ARPIN: variants seen among roughly 807,000 people sequenced by gnomAD.
ARPIN encodes the protein actin related protein 2/3 complex inhibitor.
Under a neutral mutation model 25.9 loss-of-function variants are expected in ARPIN, and 23 were observed. The observed-to-expected ratio is 0.89, with a 90% confidence interval of 0.64 to 1.26. The LOEUF (loss-of-function observed/expected upper bound fraction) is 1.26. Among genes scored for constraint, ARPIN ranks in the 50% most tolerant of loss-of-function variants. The pLI is 0.00. For missense variants in ARPIN, 333 were observed against 312.2 expected (o/e 1.07, Z -0.50); for synonymous variants, 126 against 131.4 (o/e 0.96, Z 0.28).
Position 89,901,734 on chromosome 15 carries a change from T to G in ARPIN, c.*61A>C, listed in dbSNP as rs1342514328. On this transcript the variant is annotated 3_prime_UTR_variant, in exon 6 of 6. Coordinates refer to ENST00000357484, the MANE Select transcript of ARPIN (RefSeq NM_182616.4). The stretch of plus-strand genomic sequence containing the variant: ...TCTCCAGCTCCAGAGTAGAAGTTCA[T>G]GGAAGAAATGTTCCACAATGCTACA... The G allele has an allele frequency of 1.3e-6, 2 of 1,590,574 alleles. No homozygotes were observed. The highest frequency in any genetic ancestry group is 2.7e-5 in the African/African-American group (2 of 74,368).
In ARPIN at chr15:89,898,972, A is replaced by G. The variant is rs1331773687; in HGVS notation, c.*2823T>C. The G allele has an allele frequency of 6.6e-6, 1 of 152,218 alleles. No homozygotes were observed. Among genetic ancestry groups the G allele is most frequent in the East Asian group, 1.9e-4 (1 of 5,192 alleles). The allele number at this position is 152,218 out of a possible 1,614,324, so 9.4% of individuals were successfully genotyped here. ...GGGGCTTTGGCCTCACCATCTGCCC[A>G]TGCAGATGCCTATGCCACAGCAGCT... On this transcript the variant is annotated 3_prime_UTR_variant, in exon 6 of 6. Coordinates refer to ENST00000357484, the MANE Select transcript of ARPIN (RefSeq NM_182616.4).
intron 2 of ARPIN, 83 bp from the exon 3 acceptor site, chr15:89,908,495 C>A (rs1897167412): frequency 1.3e-6 from 2 of 1,580,544 alleles, no homozygotes; most frequent in Non-Finnish European, 1.7e-6. Context: ...GCCCCGCCAA[C>A]CTCACATCTA....
chr15:89,895,994 T>C lies in ARPIN; in HGVS notation c.*5801A>G, dbSNP rs540085842. On this transcript the variant is annotated 3_prime_UTR_variant, in exon 6 of 6. Coordinates refer to ENST00000357484, the MANE Select transcript of ARPIN (RefSeq NM_182616.4). ...ACCTCCGTCTCCCGGGTTCAAACAATTCTCCTGCTTCAGCCTCCCCAGTAG... is the reference window on the plus strand; with the variant it reads ...ACCTCCGTCTCCCGGGTTCAAACAACTCTCCTGCTTCAGCCTCCCCAGTAG... 1 of 152,484 alleles carries C rather than the reference T, an allele frequency of 6.6e-6. No homozygotes were observed. Among genetic ancestry groups the C allele is most frequent in the Non-Finnish European group, 1.5e-5 (1 of 68,130 alleles). 9.4% of individuals were successfully genotyped at this position (152,484 alleles called of 1,614,324 possible). A position where few individuals can be genotyped will look rare whatever the true frequency, so the allele number is the denominator to read the frequency against.
chr15:89,912,659 C>CCCCTG, intron 1 of ARPIN, 85 bp downstream of exon 1: 3 of 1,161,516 alleles, frequency 2.6e-6, no homozygotes, highest in Admixed American at 5.2e-5. Flanking sequence ...TTCCCCCACC[C>CCCCTG]GCATCCCACC....
rs767889738 is a variant in ARPIN at position 89,910,821 on chromosome 15, T to C, written c.93-2A>G. 3.7e-6 allele frequency: 6 copies of C among 1,614,006 alleles called. No individual in the cohort carries two copies. Among genetic ancestry groups the C allele is most frequent in the Non-Finnish European group, 5.1e-6 (6 of 1,179,956 alleles). On this transcript the variant is annotated splice_acceptor_variant, in intron 1 of 5. Coordinates refer to ENST00000357484, the MANE Select transcript of ARPIN (RefSeq NM_182616.4). LOFTEE classifies it high-confidence loss of function. The stretch of plus-strand genomic sequence containing the variant: ...CCCTCCAGCAGGACACCATTTCCCC[T>C]GGGGATGAAAGGGAAAGAAAGGATA...
At chr15:89,908,478 G>T in intron 2 of ARPIN, 66 bp from the exon 3 acceptor site, 1 of 1,592,644 alleles carries the variant, frequency 6.3e-7, no homozygotes, top group Non-Finnish European at 8.6e-7. Context: ...TCTGGGCTCC[G>T]GCTGCAGCCC....
At chr15:89,903,429 TA>T (rs1271024560) in intron 4 of ARPIN, 50 bp from the exon 5 acceptor site, 1 of 1,609,448 alleles carries the variant, frequency 6.2e-7, no homozygotes, top group Admixed American at 1.7e-5. Flanking sequence ...GGCAGAAACA[TA>T]GTGAGGGCTG....
intron 2 of ARPIN, among the ~76,000 whole-genome samples, chr15:89,909,959 G>A (rs537472367): frequency 6.6e-6 from 1 of 152,324 alleles, no homozygotes; most frequent in South Asian, 2.1e-4. Flanking sequence ...GACGGCAGAT[G>A]AGGCAAGCAA....
intron 2 of ARPIN, among the ~76,000 whole-genome samples, chr15:89,908,766 G>A (rs1014582085): frequency 7.2e-5 from 11 of 152,004 alleles, no homozygotes; most frequent in South Asian, 2.1e-4. Flanking sequence ...AGTGGATCAC[G>A]AGGTCAGGAG....
At chr15:89,905,120 T>G (rs1169144782) in intron 3 of ARPIN, among the ~76,000 whole-genome samples, 1 of 151,886 alleles carries the variant, frequency 6.6e-6, no homozygotes, top group African/African-American at 2.4e-5. Context: ...CTCCTGAGTT[T>G]GAGCAATTCT....
At chr15:89,912,103 G>C in intron 1 of ARPIN, 1 of 786,018 alleles carries the variant, frequency 1.3e-6, no homozygotes, top group South Asian at 5.7e-5. Context: ...TTACAGGCGT[G>C]AACCACAGCG....
At position 89,903,758 on chromosome 15, in the gene ARPIN, T is replaced by A; in HGVS notation, c.508+19A>T. 2 of 1,613,360 alleles carry A rather than the reference T, an allele frequency of 1.2e-6. No homozygotes were observed. On this transcript the variant is annotated intron_variant, in intron 4 of 5. Coordinates refer to ENST00000357484, the MANE Select transcript of ARPIN (RefSeq NM_182616.4). The stretch of plus-strand genomic sequence containing the variant: ...GCCACACAGGAACAGTGGGCCACAG[T>A]GAGGGTTGCATTGCTCACCCAGGAA...
chr15:89,910,838 G>A lies in ARPIN; in HGVS notation c.93-19C>T. 6.2e-7 allele frequency: 1 copy of A among 1,613,758 alleles called. No homozygotes were observed. The highest frequency in any genetic ancestry group is 1.3e-5 in the African/African-American group (1 of 75,020). Reference sequence around the variant, plus strand: ...ATTTCCCCTGGGGATGAAAGGGAAAGAAAGGATAGCCAGTTTTGTCAGTCC... The same window carrying A: ...ATTTCCCCTGGGGATGAAAGGGAAAAAAAGGATAGCCAGTTTTGTCAGTCC... On this transcript the variant is annotated intron_variant, in intron 1 of 5. Transcript: ENST00000357484.
At chr15:89,903,082 A>T (rs569648742) in intron 5 of ARPIN, 134 bp downstream of exon 5, 4 of 1,577,302 alleles carry the variant, frequency 2.5e-6, no homozygotes, top group Non-Finnish European at 3.4e-6. Flanking sequence ...ACACATTCCC[A>T]GGTGTTTCAC....
In ARPIN at chr15:89,910,796, C is replaced by T. The variant is rs759135653; in HGVS notation, c.116G>A (p.Gly39Glu). The T allele has an allele frequency of 1.9e-6, 3 of 1,614,174 alleles. No individual in the cohort carries two copies. The highest frequency in any genetic ancestry group is 2.2e-5 in the East Asian group (1 of 44,892). Residue 39 changes from glycine (G) to glutamate (E), a missense_variant, in exon 2 of 6, where the codon GGA (glycine) becomes GAA (glutamate). Physicochemically the swap from Gly to Glu is moderately conservative, Grantham distance 98 (BLOSUM62 -2). Coordinates refer to ENST00000357484, the MANE Select transcript of ARPIN (RefSeq NM_182616.4). ...GTGCCGAGATACATCGATCAGTTCT[C>T]CCTCCAGCAGGACACCATTTCCCCT... ...HQGGNGVLLE[G>E]ELIDVSRHSI...
intron 3 of ARPIN, among the ~76,000 whole-genome samples, chr15:89,904,312 C>T (rs970579463): frequency 5.3e-5 from 8 of 152,204 alleles, no homozygotes; most frequent in Non-Finnish European, 1.0e-4. Context: ...TGTAGCACAG[C>T]GCCTGGCACA....
At chr15:89,904,232 T>C (rs1410740729) in intron 3 of ARPIN, among the ~76,000 whole-genome samples, 2 of 152,114 alleles carry the variant, frequency 1.3e-5, no homozygotes, top group East Asian at 1.9e-4. Flanking sequence ...CACCTCTCCG[T>C]ACCCGAAAAA....
At position 89,912,663 on chromosome 15, in the gene ARPIN, T is replaced by TGGGGC; in HGVS notation, c.92+80_92+81insGCCCC. 28 of 870,972 alleles carry TGGGGC rather than the reference T, an allele frequency of 3.2e-5. No homozygotes were observed. The East Asian group carries it at 4.0e-4, about 12-fold the overall frequency. The allele number at this position is 870,972 out of a possible 1,614,324, so 54.0% of individuals were successfully genotyped here. ...CAACCCCAGTTTTCCCCCACCCGCA[T>TGGGGC]CCCACCCCCCCACCCGATCCTGTTG... On this transcript the variant is annotated intron_variant, in intron 1 of 5. Transcript: ENST00000357484.
At chr15:89,908,173 C>T (rs1008527513) in intron 3 of ARPIN, 107 bp downstream of exon 3, 1 of 1,530,988 alleles carries the variant, frequency 6.5e-7, no homozygotes, top group Non-Finnish European at 8.8e-7. Flanking sequence ...GCTTCAACAT[C>T]AAGAGGGCTG....
Sources: allele counts gnomAD v4.1 joint callset (sites outside exome capture counted in the v4.1 genomes callset), GRCh38; gene constraint gnomAD v4.1.1; transcripts MANE v1.5; gene names NCBI Gene and HGNC (gene_info 2026-07-23, HGNC 2026-07-21).